The following SNRNP40 variants were observed in gnomAD, a reference collection of about 807,000 sequenced individuals.
SNRNP40 encodes U5 small nuclear ribonucleoprotein 40 kDa protein.
A neutral mutation model predicts 45.8 loss-of-function variants in SNRNP40; 21 were observed. That is an observed-to-expected ratio of 0.46 (90% CI 0.32 to 0.66). The LOEUF (loss-of-function observed/expected upper bound fraction) is 0.66, where lower values mean the gene tolerates loss of function less well. SNRNP40 is among the 30% of genes least tolerant of loss of function. The probability of loss-of-function intolerance (pLI) is 0.03; values close to 1 mark genes in which losing one functional copy is unlikely to be tolerated. For synonymous variants in SNRNP40, 142 were observed against 163.8 expected (o/e 0.87, Z 1.01); for missense variants, 344 against 439.1 (o/e 0.78, Z 1.94).
intron 4 of SNRNP40, among the ~76,000 whole-genome samples, chr1:31,287,912 G>C (rs1252905802): frequency 1.3e-5 from 2 of 152,186 alleles, no homozygotes; most frequent in African/African-American, 4.8e-5. Context: ...CAGGGGAACT[G>C]CTTGAACCCA....
In SNRNP40 at chr1:31,267,538, G is replaced by GT. The variant is rs904169245; in HGVS notation, c.920+332dup. On this transcript the variant is annotated intron_variant, in intron 8 of 9. Transcript: ENST00000263694. ...AGACATCCTGCATAGCTATATCATT[G>GT]TTTTTTTTTTGGAGATGGAGTCTCG... 1.8e-3 allele frequency among the ~76,000 whole-genome samples: 265 copies of GT among 148,564 alleles called. 1 individual carries two copies. Among genetic ancestry groups the GT allele is most frequent in the Middle Eastern group, 3.5e-3 (1 of 286 alleles).
chr1:31,263,820 A>G (rs1457800892), intron 8 of SNRNP40: 1 of 198,840 alleles, frequency 5.0e-6, no homozygotes, highest in African/African-American at 2.4e-5. Context: ...CCTCTTCAGT[A>G]GCCACAGAAA....
intron 4 of SNRNP40, among the ~76,000 whole-genome samples, chr1:31,284,777 TG>T (rs1557678844): frequency 1.3e-5 from 2 of 152,164 alleles, no homozygotes; most frequent in African/African-American, 4.8e-5. Flanking sequence ...CCAATTCTCA[TG>T]GTTTAGGATG....
intron 4 of SNRNP40, among the ~76,000 whole-genome samples, chr1:31,285,096 A>C (rs1024797249): frequency 1.3e-5 from 2 of 152,218 alleles, no homozygotes; most frequent in Non-Finnish European, 2.9e-5. Flanking sequence ...AAAATAATTT[A>C]GAATTTTAGT....
intron 6 of SNRNP40, among the ~76,000 whole-genome samples, chr1:31,270,622 G>C (rs1375336209): frequency 1.3e-5 from 2 of 152,154 alleles, no homozygotes; most frequent in Non-Finnish European, 2.9e-5. Flanking sequence ...AAAGCTATGC[G>C]TGAAAGTTTG....
chr1:31,294,225 TG>T (rs1402056814), intron 1 of SNRNP40, among the ~76,000 whole-genome samples: 1 of 152,224 alleles, frequency 6.6e-6, no homozygotes, highest in Non-Finnish European at 1.5e-5. Context: ...CCCAGAGTGC[TG>T]GGATTATAGG....
intron 4 of SNRNP40, chr1:31,281,973 C>T (rs1233894329): frequency 6.5e-6 from 1 of 152,708 alleles, no homozygotes; most frequent in Non-Finnish European, 1.5e-5. Context: ...CAAAATCTGT[C>T]AGAATCAACT....
intron 5 of SNRNP40, 38 bp downstream of exon 5, chr1:31,281,336 T>A: frequency 6.5e-7 from 1 of 1,527,412 alleles, no homozygotes; most frequent in Non-Finnish European, 9.0e-7. Flanking sequence ...TAAGTGCAGA[T>A]AGATGAAATG....
At chr1:31,289,959 A>C (rs1287666499) in intron 3 of SNRNP40, among the ~76,000 whole-genome samples, 1 of 152,032 alleles carries the variant, frequency 6.6e-6, no homozygotes, top group African/African-American at 2.4e-5. Context: ...TCCTGGGCTC[A>C]AGTGATCCTC....
At chr1:31,263,004 G>GAA (rs11405870) in intron 8 of SNRNP40, among the ~76,000 whole-genome samples, 12 of 149,376 alleles carry the variant, frequency 8.0e-5, no homozygotes, top group Non-Finnish European at 1.5e-4. Context: ...CCTGTCTCAA[G>GAA]AAAAAAAAAA....
At chr1:31,293,506 A>C (rs192272582) in intron 1 of SNRNP40, among the ~76,000 whole-genome samples, 158 bp from the exon 2 acceptor site, 8 of 152,308 alleles carry the variant, frequency 5.3e-5, no homozygotes, top group Non-Finnish European at 5.9e-5. Flanking sequence ...AATGCCTCCA[A>C]CTTGACACTC....
Position 31,259,759 on chromosome 1 carries a change from A to G in SNRNP40, c.*313T>C, listed in dbSNP as rs1305375246. 2.0e-6 allele frequency: 1 copy of G among 489,186 alleles called. No homozygotes were observed. The highest frequency in any genetic ancestry group is 2.7e-5 in the Admixed American group (1 of 36,742). 30.3% of individuals were successfully genotyped at this position (489,186 alleles called of 1,614,324 possible). On this transcript the variant is annotated 3_prime_UTR_variant, in exon 10 of 10. Coordinates refer to ENST00000263694, the MANE Select transcript of SNRNP40 (RefSeq NM_004814.3). ...AAATATCATACAAGCCAGTTACAAA[A>G]AAAAAAAAAAAATCCCAACCAACAA...
intron 8 of SNRNP40, among the ~76,000 whole-genome samples, chr1:31,266,617 C>T (rs1204292038): frequency 1.3e-5 from 2 of 152,206 alleles, no homozygotes; most frequent in Non-Finnish European, 2.9e-5. Flanking sequence ...ATTCGTATTT[C>T]ATAAAGCCTT....
chr1:31,293,344 G>T lies in SNRNP40; in HGVS notation c.146C>A (p.Pro49His), dbSNP rs1176432748. 2.5e-6 allele frequency: 4 copies of T among 1,608,104 alleles called. No homozygotes were observed. The East Asian group carries it at 8.9e-5, about 36-fold the overall frequency. Residue 49 changes from proline to histidine, a missense_variant, in exon 2 of 10, where the codon CCT becomes CAT. Physicochemically the swap from Pro to His is moderately conservative, Grantham distance 77. This residue lies in a region of SNRNP40 where 254 missense variants were observed against 380.2 expected (regional missense o/e 0.67). Transcript: ENST00000263694. Reference protein sequence around the residue: ...ATPGALLQAGPPRCSSLQAPI... With the variant: ...ATPGALLQAGHPRCSSLQAPI... ...GGCTTGAAGGGAGGAACATCTTGGA[G>T]GTCCCTAAACAAAAGAGAAGCACAA...
intron 2 of SNRNP40, among the ~76,000 whole-genome samples, 185 bp from the exon 3 acceptor site, chr1:31,292,191 C>G (rs1646112494): frequency 6.6e-6 from 1 of 152,074 alleles, no homozygotes; most frequent in African/African-American, 2.4e-5. Flanking sequence ...GGCGAAACCC[C>G]ATCTTTAATA....
At chr1:31,296,494 C>A in intron 1 of SNRNP40, 117 bp downstream of exon 1, 1 of 1,324,274 alleles carries the variant, frequency 7.6e-7, no homozygotes, top group Non-Finnish European at 1.0e-6. Flanking sequence ...TTTAACTCTG[C>A]GTAGAAACTC....
chr1:31,264,560 C>A (rs1319518684), intron 8 of SNRNP40, among the ~76,000 whole-genome samples: 2 of 152,164 alleles, frequency 1.3e-5, no homozygotes, highest in African/African-American at 4.8e-5. Flanking sequence ...ATATTGATCT[C>A]ATAACTTTGT....
Position 31,282,673 on chromosome 1 carries a change from C to CTCTA in SNRNP40, c.532-1181_532-1178dup, listed in dbSNP as rs199782173. Among the ~76,000 whole-genome samples, 1,082 of 150,914 alleles carry CTCTA rather than the reference C, an allele frequency of 7.2e-3. 65 individuals are homozygous for CTCTA. The East Asian group carries it at 0.14, about 20-fold the overall frequency. ...CTATGTGTCTATCTATCTATCTAAT[C>CTCTA]TCTATCTATCTATCTATCTAGGGAC... On this transcript the variant is annotated intron_variant, in intron 4 of 9. Transcript: ENST00000263694.
chr1:31,260,656 G>A (rs1645851867), intron 9 of SNRNP40, among the ~76,000 whole-genome samples: 1 of 151,694 alleles, frequency 6.6e-6, no homozygotes, highest in African/African-American at 2.4e-5. Flanking sequence ...GAGGTCAGGA[G>A]TTTGAGACCA....
Sources: allele counts gnomAD v4.1 joint callset (sites outside exome capture counted in the v4.1 genomes callset), GRCh38; gene constraint gnomAD v4.1.1; regional missense constraint gnomAD v4.1.1; transcripts MANE v1.5; gene names NCBI Gene and HGNC (gene_info 2026-07-23, HGNC 2026-07-21).